The following MYO16 variants were observed in gnomAD, a reference collection of about 807,000 sequenced individuals.
MYO16 encodes myosin XVI.
In MYO16, 94 loss-of-function variants were observed where a neutral mutation model predicts 205.3. The observed-to-expected ratio is 0.46, with a 90% confidence interval of 0.39 to 0.54. MYO16 has a LOEUF of 0.54. Ranked by LOEUF, MYO16 falls within the 20% of genes least tolerant of loss-of-function variation. The probability of loss-of-function intolerance (pLI) is 0.00; values close to 1 mark genes in which losing one functional copy is unlikely to be tolerated. For synonymous variants in MYO16, 988 were observed against 954.0 expected (o/e 1.04, Z -0.66); for missense variants, 2,315 against 2,387.5 (o/e 0.97, Z 0.63).
At chr13:108,796,987 G>A (rs7993305) in intron 6 of MYO16, among the ~76,000 whole-genome samples, 8 of 151,696 alleles carry the variant, frequency 5.3e-5, no homozygotes, top group Non-Finnish European at 1.0e-4. Flanking sequence ...GGGGTAAACC[G>A]GAGAGTTTGT....
At chr13:108,707,357 G>A (rs1883549219) in intron 2 of MYO16, among the ~76,000 whole-genome samples, 1 of 152,130 alleles carries the variant, frequency 6.6e-6, no homozygotes, top group Non-Finnish European at 1.5e-5. Context: ...AGGAACATAG[G>A]GATCAATGGA....
At chr13:108,945,903 G>T (rs1425566640) in intron 16 of MYO16, among the ~76,000 whole-genome samples, 2 of 152,138 alleles carry the variant, frequency 1.3e-5, no homozygotes, top group African/African-American at 2.4e-5. Context: ...AGCTGGAGGT[G>T]CTGATGTTTC....
intron 4 of MYO16, among the ~76,000 whole-genome samples, chr13:108,769,360 GC>G (rs140649466): frequency 3.3e-3 from 505 of 152,262 alleles, no homozygotes; most frequent in African/African-American, 0.011. Context: ...GATCTGTGTG[GC>G]CAGAATGGAG....
At chr13:108,624,779 G>A (rs1441372293), upstream of MYO16, among the ~76,000 whole-genome samples, 2 of 121,322 alleles carry the variant, frequency 1.6e-5, no homozygotes, top group Admixed American at 1.9e-4. Flanking sequence ...ATCCCATATA[G>A]CCTGAGTGTG....
At chr13:108,841,532 A>G (rs751943402) in intron 9 of MYO16, among the ~76,000 whole-genome samples, 6 of 152,230 alleles carry the variant, frequency 3.9e-5, no homozygotes, top group South Asian at 2.1e-4. Flanking sequence ...TCACAGAAGC[A>G]CAAACTGTAA....
intron 16 of MYO16, among the ~76,000 whole-genome samples, chr13:108,922,064 G>A (rs531555883): frequency 2.6e-4 from 40 of 152,316 alleles, no homozygotes; most frequent in African/African-American, 8.9e-4. Flanking sequence ...CTTGCTCCTA[G>A]CGTACGTCTC....
At chr13:108,917,433 G>A (rs1881544667) in intron 16 of MYO16, among the ~76,000 whole-genome samples, 1 of 152,224 alleles carries the variant, frequency 6.6e-6, no homozygotes, top group Admixed American at 6.5e-5. Context: ...AAGACTCCCA[G>A]CCCGGCAGGT....
At chr13:108,896,757 TC>T (rs1259415107) in intron 14 of MYO16, among the ~76,000 whole-genome samples, 1 of 151,996 alleles carries the variant, frequency 6.6e-6, no homozygotes, top group East Asian at 1.9e-4. Context: ...TCACCTGAGG[TC>T]AGGAGTTTGA....
chr13:108,631,784 A>G (rs1462468194), intron 1 of MYO16, among the ~76,000 whole-genome samples: 1 of 152,204 alleles, frequency 6.6e-6, no homozygotes, highest in Non-Finnish European at 1.5e-5. Context: ...GGATGAACAA[A>G]ATATAGAAGA....
intron 21 of MYO16, among the ~76,000 whole-genome samples, chr13:108,997,970 T>A (rs757671984): frequency 6.6e-6 from 1 of 152,220 alleles, no homozygotes; most frequent in Non-Finnish European, 1.5e-5. Flanking sequence ...CAACTGAAAT[T>A]TACTGGACAC....
Position 108,827,730 on chromosome 13 carries a change from G to A in MYO16, c.1097+4452G>A, listed in dbSNP as rs576637273. 2.4e-4 allele frequency among the ~76,000 whole-genome samples: 36 copies of A among 152,216 alleles called. 1 individual carries two copies. The highest frequency in any genetic ancestry group is 2.3e-3 in the South Asian group (11 of 4,816). ...GCTCCTCAGTTCCTTCTGACTGGGC[G>A]CCTCCTCTCTGTGTTGCCTTTCTGT... is the stretch of plus-strand genomic sequence containing the variant. On this transcript the variant is annotated intron_variant, in intron 9 of 34. Transcript: ENST00000457511.
the MYO16 span, among the ~76,000 whole-genome samples, chr13:108,496,194 G>C: frequency 6.6e-6 from 1 of 151,316 alleles, no homozygotes; most frequent in Admixed American, 6.6e-5. Flanking sequence ...CAACCGCTAG[G>C]ACGCGTAAGC....
At chr13:108,609,472 A>C (rs1420446416) in intron 1 of MYO16, among the ~76,000 whole-genome samples, 1 of 152,172 alleles carries the variant, frequency 6.6e-6, no homozygotes, top group Non-Finnish European at 1.5e-5. Context: ...ACAGGTGCTC[A>C]ATGCTATCAG....
chr13:108,782,450 G>A (rs1374201388), intron 4 of MYO16, among the ~76,000 whole-genome samples: 1 of 152,144 alleles, frequency 6.6e-6, no homozygotes, highest in African/African-American at 2.4e-5. Context: ...CTTTTTAAAA[G>A]GGAAACAGCA....
intron 33 of MYO16, among the ~76,000 whole-genome samples, chr13:109,167,589 C>A (rs776520522): frequency 6.6e-6 from 1 of 152,124 alleles, no homozygotes; most frequent in African/African-American, 2.4e-5. Flanking sequence ...AGGTGAATCT[C>A]ACTGTCTCTA....
intron 9 of MYO16, among the ~76,000 whole-genome samples, 156 bp from the exon 10 acceptor site, chr13:108,844,187 T>A (rs1877391639): frequency 6.6e-6 from 1 of 152,212 alleles, no homozygotes; most frequent in Non-Finnish European, 1.5e-5. Flanking sequence ...TTTAAAAGTT[T>A]ACAGATTTCT....
At chr13:108,742,856 G>A (rs1884951995) in intron 4 of MYO16, among the ~76,000 whole-genome samples, 1 of 152,102 alleles carries the variant, frequency 6.6e-6, no homozygotes, top group Non-Finnish European at 1.5e-5. Flanking sequence ...AGGAACAATG[G>A]ACTTTTCTTT....
At chr13:108,505,429 T>G in the MYO16 span, among the ~76,000 whole-genome samples, 2,749 of 152,328 alleles carry the variant, frequency 0.018, 68 homozygotes, top group African/African-American at 0.059. Context: ...TGATTAATGA[T>G]GTCAAGCATC....
chr13:108,563,794 A>G, the MYO16 span, among the ~76,000 whole-genome samples: 1 of 152,206 alleles, frequency 6.6e-6, no homozygotes, highest in Non-Finnish European at 1.5e-5. Flanking sequence ...GCAGTGCTAT[A>G]ACAAACATGG....
Sources: gnomAD v4.1 joint callset for allele counts (sites outside exome capture counted in the v4.1 genomes callset) on GRCh38, gnomAD v4.1.1 for gene constraint, MANE v1.5 for transcripts, NCBI Gene and HGNC (gene_info 2026-07-23, HGNC 2026-07-21) for gene names.